Variants in DERA observed in about 807,000 individuals in gnomAD.
DERA encodes the protein 2-deoxy-D-ribose 5-phosphate aldolase.
DERA carries 15 observed loss-of-function variants against 41.1 expected under a neutral mutation model. The observed-to-expected ratio is 0.37, with a 90% CI of 0.24 to 0.56. DERA has a LOEUF of 0.56. Ranked by LOEUF, DERA falls within the 20% of genes least tolerant of loss-of-function variation. DERA has a pLI of 0.81. For missense variants in DERA, 396 were observed against 403.4 expected (o/e 0.98, Z 0.16); for synonymous variants, 139 against 137.4 (o/e 1.01, Z -0.08).
At chr12:15,952,225 A>G (rs756915331) in intron 1 of DERA, among the ~76,000 whole-genome samples, 10 of 152,110 alleles carry the variant, frequency 6.6e-5, no homozygotes, top group Non-Finnish European at 1.0e-4. Flanking sequence ...TAATGGCTGA[A>G]TTGTATTCTG....
In DERA at chr12:15,938,497, A is replaced by T. The variant is rs1948387709; in HGVS notation, c.32-18439A>T. Among the ~76,000 whole-genome samples the T allele has an allele frequency of 6.6e-6, 1 of 152,188 alleles. No homozygotes were observed. Among genetic ancestry groups the T allele is most frequent in the Non-Finnish European group, 1.5e-5 (1 of 68,026 alleles). ...ATTACTCTGCTTTAATAAGCTTCTTAGCTGTATCAATCTATGTGTCTAAGT... is the reference window on the plus strand; with the variant it reads ...ATTACTCTGCTTTAATAAGCTTCTTTGCTGTATCAATCTATGTGTCTAAGT... On this transcript the variant is annotated intron_variant, in intron 1 of 8. Transcript: ENST00000428559. The surrounding 1 kb of genome is among the most constrained non-coding windows in gnomAD (Gnocchi z 4.1).
intron 5 of DERA, among the ~76,000 whole-genome samples, chr12:15,979,629 C>G (rs1181898505): frequency 6.6e-6 from 1 of 152,150 alleles, no homozygotes; most frequent in African/African-American, 2.4e-5. Flanking sequence ...CTCAGAAAAA[C>G]TTGATCCTGT....
intron 6 of DERA, among the ~76,000 whole-genome samples, chr12:16,023,473 CTTTTTTTTTTT>C (rs58250786): frequency 3.6e-5 from 4 of 111,918 alleles, no homozygotes; most frequent in Admixed American, 2.7e-4. Flanking sequence ...AACTCAAAGT[CTTTTTTTTTTT>C]TTTTTTTTTT....
chr12:15,962,957 T>A lies in DERA; in HGVS notation c.508+10T>A. On this transcript the variant is annotated intron_variant, in intron 5 of 8. Coordinates refer to ENST00000428559, the MANE Select transcript of DERA (RefSeq NM_015954.4). ...ACAGGCCAGTGGGAAGGTAGGTGCA[T>A]GCTTTTACCTAAGAGAGTTTCACCA... 6.2e-7 allele frequency: 1 copy of A among 1,603,196 alleles called. No individual in the cohort carries two copies.
rs141717306 is a variant in DERA at position 15,966,841 on chromosome 12, G to A, written c.508+3894G>A. ...CCTTGGTGTGCTTTCCTTTGGAAAC[G>A]TCATGTCCTTGCTGATTTCAGTTAC... On this transcript the variant is annotated intron_variant, in intron 5 of 8. Coordinates refer to ENST00000428559, the MANE Select transcript of DERA (RefSeq NM_015954.4). This position sits in a 1 kb window ranked among gnomAD's most constrained non-coding sequence, Gnocchi z 5.1. 1.3e-5 allele frequency among the ~76,000 whole-genome samples: 2 copies of A among 152,072 alleles called. No homozygotes were observed. The highest frequency in any genetic ancestry group is 4.8e-5 in the African/African-American group (2 of 41,416).
intron 1 of DERA, among the ~76,000 whole-genome samples, chr12:15,952,900 G>A (rs76941112): frequency 0.014 from 2,131 of 152,316 alleles, 27 homozygotes; most frequent in Non-Finnish European, 0.023. Context: ...CAAACTTGCA[G>A]TGCTTCCGGT....
At chr12:16,027,476 G>A (rs1368360256) in intron 6 of DERA, among the ~76,000 whole-genome samples, 2 of 152,236 alleles carry the variant, frequency 1.3e-5, no homozygotes, top group Non-Finnish European at 2.9e-5. Context: ...GGATTATCCA[G>A]ATGGGCTGTA....
chr12:15,956,785 GT>G (rs1948542461), intron 1 of DERA, 150 bp from the exon 2 acceptor site: 2 of 733,064 alleles, frequency 2.7e-6, no homozygotes, highest in South Asian at 2.8e-5. Context: ...CAATAAGGTT[GT>G]TTATTTATAG....
intron 1 of DERA, 102 bp from the exon 2 acceptor site, chr12:15,956,834 G>T: frequency 1.2e-6 from 1 of 862,124 alleles, no homozygotes. Flanking sequence ...AAAAAAGGTT[G>T]ATGTCAAATG....
chr12:15,919,355 C>A (rs1246540112), intron 1 of DERA, among the ~76,000 whole-genome samples: 1 of 151,788 alleles, frequency 6.6e-6, no homozygotes, highest in African/African-American at 2.4e-5. Context: ...GATGCTTCTG[C>A]CAGGAAAGAA....
chr12:15,915,512 C>T lies in DERA; in HGVS notation c.31+4098C>T, dbSNP rs553005044. ...GTGTCAGTATGTTGACCAGACTGTT[C>T]TCAAACTCCTAGCCTCAAGTGATAC... On this transcript the variant is annotated intron_variant, in intron 1 of 8. Coordinates refer to ENST00000428559, the MANE Select transcript of DERA (RefSeq NM_015954.4). This position sits in a 1 kb window ranked among gnomAD's most constrained non-coding sequence, Gnocchi z 4.8. 9.5e-4 allele frequency among the ~76,000 whole-genome samples: 144 copies of T among 152,202 alleles called. No homozygotes were observed. The highest frequency in any genetic ancestry group is 6.8e-3 in the Middle Eastern group (2 of 294).
At position 16,019,363 on chromosome 12, in the gene DERA, T is replaced by G. The variant is rs186443026; in HGVS notation, c.638-13179T>G. Among the ~76,000 whole-genome samples the G allele has an allele frequency of 2.0e-5, 3 of 152,192 alleles. No homozygotes were observed. Among genetic ancestry groups the G allele is most frequent in the African/African-American group, 7.2e-5 (3 of 41,446 alleles). ...CTCTCAATTGTCCTTTCTCAACACA[T>G]CCAATACAGACACTAAATTTAGCAT... is the stretch of plus-strand genomic sequence containing the variant. On this transcript the variant is annotated intron_variant, in intron 6 of 8. Transcript: ENST00000428559. This position sits in a 1 kb window ranked among gnomAD's most constrained non-coding sequence, Gnocchi z 4.4.
intron 1 of DERA, among the ~76,000 whole-genome samples, chr12:15,916,826 G>T (rs917152895): frequency 1.3e-5 from 2 of 152,122 alleles, no homozygotes; most frequent in Non-Finnish European, 2.9e-5. Context: ...TGCCTAGGCT[G>T]GTCTTGAACT....
intron 1 of DERA, among the ~76,000 whole-genome samples, chr12:15,926,836 C>G (rs1404708393): frequency 1.3e-5 from 2 of 151,988 alleles, no homozygotes; most frequent in African/African-American, 2.4e-5. Context: ...GTTCTAGCAG[C>G]TTTCAACAAC....
Position 15,999,187 on chromosome 12 carries a change from C to A in DERA, c.637+16751C>A, listed in dbSNP as rs1948859034. Among the ~76,000 whole-genome samples the A allele has an allele frequency of 6.6e-6, 1 of 152,178 alleles. No homozygotes were observed. Among genetic ancestry groups the A allele is most frequent in the Admixed American group, 6.5e-5 (1 of 15,274 alleles). On this transcript the variant is annotated intron_variant, in intron 6 of 8. Coordinates refer to ENST00000428559, the MANE Select transcript of DERA (RefSeq NM_015954.4). The surrounding 1 kb of genome is among the most constrained non-coding windows in gnomAD (Gnocchi z 5.3). ...CAGAAGGGCCAGGGTTCTCTGCCAT[C>A]AGTACCTGGGGATATTTCTTTCCCT...
chr12:15,927,128 A>C (rs1205487104), intron 1 of DERA, among the ~76,000 whole-genome samples: 1 of 152,212 alleles, frequency 6.6e-6, no homozygotes, highest in Non-Finnish European at 1.5e-5. Flanking sequence ...AAGTTGGTTT[A>C]CTTAAAACAT....
At position 15,938,719 on chromosome 12, in the gene DERA, G is replaced by C. The variant is rs562426968; in HGVS notation, c.32-18217G>C. Among the ~76,000 whole-genome samples the C allele has an allele frequency of 1.3e-5, 2 of 152,160 alleles. No homozygotes were observed. Among genetic ancestry groups the C allele is most frequent in the East Asian group, 1.9e-4 (1 of 5,176 alleles). On this transcript the variant is annotated intron_variant, in intron 1 of 8. Coordinates refer to ENST00000428559, the MANE Select transcript of DERA (RefSeq NM_015954.4). This position sits in a 1 kb window ranked among gnomAD's most constrained non-coding sequence, Gnocchi z 4.1. ...AATGTGTAAATATTTTACCAGAAAT[G>C]TTTTCACAGCTAATATATTTTTGCC... is the stretch of plus-strand genomic sequence containing the variant.
chr12:15,949,468 A>G (rs1948479468), intron 1 of DERA, among the ~76,000 whole-genome samples: 1 of 122,606 alleles, frequency 8.2e-6, no homozygotes, highest in Non-Finnish European at 1.8e-5. Context: ...AGCAATGAGC[A>G]AGGCTCCGTG....
At position 15,959,619 on chromosome 12, in the gene DERA, A is replaced by G. The variant is rs971460545; in HGVS notation, c.278-210A>G. Among the ~76,000 whole-genome samples the G allele has an allele frequency of 6.6e-6, 1 of 152,262 alleles. No homozygotes were observed. The highest frequency in any genetic ancestry group is 1.5e-5 in the Non-Finnish European group (1 of 68,042). Reference sequence around the variant, plus strand: ...AGATGAGTATATCAAACTTGTTTTTATGACTTTAACGATAAGAAAATAATC... The same window carrying G: ...AGATGAGTATATCAAACTTGTTTTTGTGACTTTAACGATAAGAAAATAATC... On this transcript the variant is annotated intron_variant, in intron 3 of 8. Transcript: ENST00000428559. This position sits in a 1 kb window ranked among gnomAD's most constrained non-coding sequence, Gnocchi z 4.5.
Sources: allele counts gnomAD v4.1 joint callset (sites outside exome capture counted in the v4.1 genomes callset), GRCh38; gene constraint gnomAD v4.1.1; non-coding constraint Gnocchi (gnomAD v3.1); transcripts MANE v1.5; gene names NCBI Gene and HGNC (gene_info 2026-07-23, HGNC 2026-07-21).